The following DYM variants were observed in gnomAD, a reference collection of about 807,000 sequenced individuals.
DYM encodes dyggve-Melchior-Clausen syndrome protein.
Under a neutral mutation model 93.1 loss-of-function variants are expected in DYM, and 78 were observed. That is an observed-to-expected ratio of 0.84 (90% CI 0.70 to 1.01). The LOEUF is 1.01. Among genes scored for constraint, DYM ranks in the 50% least tolerant of loss-of-function variants. DYM has a pLI of 0.00. For missense variants in DYM, 789 were observed against 845.0 expected (o/e 0.93, Z 0.82); for synonymous variants, 321 against 319.7 (o/e 1.00, Z -0.04).
intron 2 of DYM, among the ~76,000 whole-genome samples, chr18:49,411,314 A>G (rs868493165): frequency 6.6e-6 from 1 of 152,204 alleles, no homozygotes; most frequent in African/African-American, 2.4e-5. Flanking sequence ...GTATATCTAC[A>G]TTATAATTCC....
intron 6 of DYM, among the ~76,000 whole-genome samples, chr18:49,339,680 A>G (rs533974758): frequency 2.0e-5 from 3 of 152,188 alleles, no homozygotes; most frequent in East Asian, 1.9e-4. Flanking sequence ...CTTGACTACA[A>G]CTTCATGTGA....
chr18:49,077,008 GA>G (rs1398817921), intron 17 of DYM, among the ~76,000 whole-genome samples: 7 of 151,916 alleles, frequency 4.6e-5, no homozygotes, highest in African/African-American at 1.7e-4. Context: ...AGCTTCACAG[GA>G]GGACTTTTTT....
chr18:49,248,667 A>G (rs1321539523), intron 13 of DYM, among the ~76,000 whole-genome samples: 1 of 152,194 alleles, frequency 6.6e-6, no homozygotes, highest in Non-Finnish European at 1.5e-5. Flanking sequence ...TAATTTCTAG[A>G]TACAACAAAT....
intron 14 of DYM, among the ~76,000 whole-genome samples, chr18:49,186,270 G>A (rs2090425659): frequency 1.3e-5 from 2 of 151,868 alleles, no homozygotes; most frequent in South Asian, 4.2e-4. Context: ...TCTTTTAGAG[G>A]GAGTATATGT....
At chr18:49,234,252 C>T (rs578077222) in intron 13 of DYM, among the ~76,000 whole-genome samples, 308 of 152,042 alleles carry the variant, frequency 2.0e-3, no homozygotes, top group African/African-American at 6.8e-3. Context: ...TCCAGGAGTT[C>T]GAGAACAGCC....
intron 15 of DYM, among the ~76,000 whole-genome samples, chr18:49,135,658 C>T (rs1239473392): frequency 2.6e-5 from 4 of 152,142 alleles, no homozygotes; most frequent in East Asian, 1.9e-4. Context: ...GAGAAACTAA[C>T]GTTTTCTGAC....
At chr18:49,186,260 T>C (rs1031987378) in intron 14 of DYM, among the ~76,000 whole-genome samples, 1 of 152,198 alleles carries the variant, frequency 6.6e-6, no homozygotes, top group African/African-American at 2.4e-5. Flanking sequence ...TAGCATTCTC[T>C]CTTTTAGAGG....
chr18:49,168,495 G>A (rs925293414), intron 14 of DYM, among the ~76,000 whole-genome samples: 1 of 152,182 alleles, frequency 6.6e-6, no homozygotes, highest in African/African-American at 2.4e-5. Flanking sequence ...ACAAGCTGGT[G>A]GAAATGGCTG....
At chr18:49,054,561 T>C (rs554064403) in intron 17 of DYM, among the ~76,000 whole-genome samples, 32 of 152,256 alleles carry the variant, frequency 2.1e-4, no homozygotes, top group Middle Eastern at 3.4e-3. Context: ...ATTTAAAATA[T>C]AGGAAATTAT....
intron 8 of DYM, among the ~76,000 whole-genome samples, chr18:49,295,758 T>A: frequency 6.6e-6 from 1 of 152,092 alleles, no homozygotes; most frequent in East Asian, 1.9e-4. Context: ...TATTGCTTTT[T>A]AAAAAAATTC....
At chr18:49,451,607 T>C (rs765961608) in intron 1 of DYM, among the ~76,000 whole-genome samples, 65 of 152,234 alleles carry the variant, frequency 4.3e-4, no homozygotes, top group Non-Finnish European at 7.5e-4. Context: ...TTATCTGAGA[T>C]TTCTTGTGGA....
intron 15 of DYM, among the ~76,000 whole-genome samples, chr18:49,130,435 C>T (rs890255135): frequency 5.3e-5 from 8 of 152,150 alleles, no homozygotes; most frequent in Non-Finnish European, 8.8e-5. Context: ...GCACAATGTC[C>T]GGCATTCAGT....
chr18:49,063,195 T>C (rs2076120062), intron 17 of DYM, among the ~76,000 whole-genome samples: 1 of 152,166 alleles, frequency 6.6e-6, no homozygotes. Context: ...TTACATTCTC[T>C]GCCCAATTTC....
rs1201370040 is a variant in DYM at position 49,399,934 on chromosome 18, C to CTTTTTT, written c.141-8295_141-8290dup. 7.0e-3 allele frequency among the ~76,000 whole-genome samples: 464 copies of CTTTTTT among 66,144 alleles called. 1 individual carries two copies. Among genetic ancestry groups the CTTTTTT allele is most frequent in the Non-Finnish European group, 0.01 (372 of 36,436 alleles). 43.4% of individuals were successfully genotyped at this position (66,144 alleles called of 152,430 possible). A position where few individuals can be genotyped will look rare whatever the true frequency, so the allele number is the denominator to read the frequency against. On this transcript the variant is annotated intron_variant, in intron 2 of 17. Coordinates refer to ENST00000675505, the MANE Select transcript of DYM (RefSeq NM_001353214.3). ...TTAAAAGACATTTATTTTTATTTTT[C>CTTTTTT]TTTTTTTTTTTTTTTTTTTTTTTTT...
rs563495038 is a variant in DYM at position 49,363,492 on chromosome 18, C to T, written c.422-259G>A. ...CTTGAAGGTACTTTAGGCTCCTGTA[C>T]GCCAGTAGTTGTCAGATTTCTTATA... On this transcript the variant is annotated intron_variant, in intron 5 of 17. Coordinates refer to ENST00000675505, the MANE Select transcript of DYM (RefSeq NM_001353214.3). Among the ~76,000 whole-genome samples the T allele has an allele frequency of 1.3e-4, 20 of 152,276 alleles. 1 individual carries two copies. The South Asian group carries it at 2.7e-3, about 21-fold the overall frequency.
chr18:49,246,386 G>T (rs1391610784), intron 13 of DYM, among the ~76,000 whole-genome samples: 3 of 152,164 alleles, frequency 2.0e-5, no homozygotes, highest in Non-Finnish European at 4.4e-5. Flanking sequence ...TGAAACACAT[G>T]CAATTCATCA....
chr18:49,362,778 G>A (rs1367481928), intron 6 of DYM, among the ~76,000 whole-genome samples: 5 of 152,118 alleles, frequency 3.3e-5, no homozygotes, highest in African/African-American at 1.2e-4. Flanking sequence ...AAAAGAGGCT[G>A]GAAATACAAT....
intron 5 of DYM, among the ~76,000 whole-genome samples, chr18:49,366,434 T>TTTGTAAA (rs1331072072): frequency 1.3e-5 from 2 of 152,254 alleles, no homozygotes; most frequent in Non-Finnish European, 2.9e-5. Context: ...AGATTCAGTG[T>TTTGTAAA]GTTTACTGTA....
At chr18:49,083,430 T>C (rs144230660) in intron 17 of DYM, among the ~76,000 whole-genome samples, 309 of 152,346 alleles carry the variant, frequency 2.0e-3, no homozygotes, top group African/African-American at 7.1e-3. Context: ...AAGGATTTTT[T>C]TGTGTCTCTG....
Sources: gnomAD v4.1 joint callset for allele counts (sites outside exome capture counted in the v4.1 genomes callset) on GRCh38, gnomAD v4.1.1 for gene constraint, MANE v1.5 for transcripts, NCBI Gene and HGNC (gene_info 2026-07-23, HGNC 2026-07-21) for gene names.